The following NDST4 variants were observed in gnomAD, a reference collection of about 807,000 sequenced individuals.
NDST4 encodes N-deacetylase and N-sulfotransferase 4.
Under a neutral mutation model 100.8 loss-of-function variants are expected in NDST4, and 63 were observed. The observed-to-expected ratio is 0.62, with a 90% CI of 0.51 to 0.77. The LOEUF (loss-of-function observed/expected upper bound fraction) is 0.77, where lower values mean the gene tolerates loss of function less well. NDST4 is among the 30% of genes least tolerant of loss of function. The pLI is 0.00. For missense variants in NDST4, 943 were observed against 1,018.4 expected (o/e 0.93, Z 1.01); for synonymous variants, 377 against 361.8 (o/e 1.04, Z -0.48).
chr4:114,835,523 T>A (rs941004043), intron 11 of NDST4, among the ~76,000 whole-genome samples: 4 of 152,050 alleles, frequency 2.6e-5, no homozygotes, highest in African/African-American at 7.2e-5. Flanking sequence ...TGCTGAAGAG[T>A]GTTGTACTTC....
rs555986150 is a variant in NDST4, at chr4:115,007,642, G to A, written c.979-30368C>T. Among the ~76,000 whole-genome samples the A allele has an allele frequency of 8.9e-4, 62 of 69,572 alleles. 12 individuals carry two copies. The highest frequency in any genetic ancestry group is 3.4e-3 in the African/African-American group (60 of 17,704). The allele number at this position is 69,572 out of a possible 152,430, so 45.6% of individuals were successfully genotyped here. A position where few individuals can be genotyped will look rare whatever the true frequency, so the allele number is the denominator to read the frequency against. On this transcript the variant is annotated intron_variant, in intron 2 of 13. Transcript: ENST00000264363. ...AAGGACTGATGGAATAAAGTCCCAA[G>A]GAAGGTTGGGAGAAATGGGATATGA...
intron 4 of NDST4, among the ~76,000 whole-genome samples, chr4:114,945,208 CAAAAAAAAAAAAA>C (rs1173970826): frequency 7.4e-5 from 4 of 53,766 alleles, no homozygotes; most frequent in African/African-American, 2.0e-4. Context: ...AACTCCGTCT[CAAAAAAAAAAAAA>C]AAAAAAAAAA....
chr4:114,827,793 A>G lies in NDST4; in HGVS notation c.*23T>C, dbSNP rs771509168. ...TTTTTAACACTAAAAGTATCTTGAG[A>G]GGCTTAGTTCTTGTCTCCAGTGCTA... On this transcript the variant is annotated 3_prime_UTR_variant, in exon 14 of 14. Coordinates refer to ENST00000264363, the MANE Select transcript of NDST4 (RefSeq NM_022569.3). 2 of 1,602,164 alleles carry G rather than the reference A, an allele frequency of 1.2e-6. No individual in the cohort carries two copies. Among genetic ancestry groups the G allele is most frequent in the Admixed American group, 3.5e-5 (2 of 57,688 alleles).
chr4:115,029,886 T>C (rs1197325987), intron 2 of NDST4, among the ~76,000 whole-genome samples: 1 of 152,108 alleles, frequency 6.6e-6, no homozygotes, highest in Non-Finnish European at 1.5e-5. Context: ...TGTATGCAAG[T>C]TGGTTTCAGA....
chr4:115,021,503 TCC>T (rs1727821527), intron 2 of NDST4, among the ~76,000 whole-genome samples: 7 of 143,102 alleles, frequency 4.9e-5, no homozygotes, highest in Non-Finnish European at 1.1e-4. Context: ...ATACACACGT[TCC>T]ACATATACAC....
intron 2 of NDST4, among the ~76,000 whole-genome samples, chr4:115,064,010 AGC>A (rs1728879494): frequency 6.6e-6 from 1 of 152,042 alleles, no homozygotes; most frequent in Non-Finnish European, 1.5e-5. Context: ...AACCAAAGTC[AGC>A]ACTTAACGTT....
chr4:114,852,641 A>G (rs1327083489), intron 8 of NDST4, 84 bp downstream of exon 8: 2 of 722,242 alleles, frequency 2.8e-6, no homozygotes, highest in Non-Finnish European at 2.2e-6. Context: ...ACAAAGAAAA[A>G]TCTAATCTGA....
At chr4:114,851,091 T>C (rs1261395233) in intron 8 of NDST4, among the ~76,000 whole-genome samples, 3 of 152,298 alleles carry the variant, frequency 2.0e-5, no homozygotes, top group Admixed American at 2.0e-4. Flanking sequence ...TGGGAACCAC[T>C]TTTGTACCTC....
intron 1 of NDST4, among the ~76,000 whole-genome samples, chr4:115,111,870 T>G (rs1729959634): frequency 6.6e-6 from 1 of 151,884 alleles, no homozygotes; most frequent in South Asian, 2.1e-4. Context: ...GTAAACATTG[T>G]TTAATATTGA....
chr4:115,027,771 C>T (rs1258731694), intron 2 of NDST4, among the ~76,000 whole-genome samples: 2 of 151,950 alleles, frequency 1.3e-5, no homozygotes, highest in East Asian at 1.9e-4. Context: ...AAGAGTTTCA[C>T]GGCCACGAGC....
intron 1 of NDST4, among the ~76,000 whole-genome samples, chr4:115,103,597 G>T (rs1472706659): frequency 6.6e-6 from 1 of 152,050 alleles, no homozygotes; most frequent in African/African-American, 2.4e-5. Flanking sequence ...TTAATTTTAC[G>T]CAACACACAA....
intron 6 of NDST4, among the ~76,000 whole-genome samples, chr4:114,922,420 T>A (rs1400729611): frequency 6.6e-6 from 1 of 152,228 alleles, no homozygotes; most frequent in East Asian, 1.9e-4. Flanking sequence ...CCTCCCCCAG[T>A]GGAAAAATCG....
intron 4 of NDST4, among the ~76,000 whole-genome samples, chr4:114,961,621 A>G (rs949884499): frequency 6.6e-6 from 1 of 152,028 alleles, no homozygotes; most frequent in South Asian, 2.1e-4. Flanking sequence ...ACACACACAA[A>G]CTACTGAAAT....
At chr4:114,986,793 C>CATACATACATAT (rs1553959380) in intron 2 of NDST4, among the ~76,000 whole-genome samples, 2 of 91,148 alleles carry the variant, frequency 2.2e-5, no homozygotes, top group African/African-American at 9.1e-5. Flanking sequence ...TCCAATTATA[C>CATACATACATAT]ATATATATAT....
chr4:115,009,058 T>C (rs1163462685), intron 2 of NDST4, among the ~76,000 whole-genome samples: 2 of 125,638 alleles, frequency 1.6e-5, no homozygotes, highest in Non-Finnish European at 1.7e-5. Context: ...TGGAAGAACA[T>C]TCCATGCTCA....
chr4:114,968,064 T>G (rs1489196192), intron 4 of NDST4, among the ~76,000 whole-genome samples: 1 of 152,180 alleles, frequency 6.6e-6, no homozygotes, highest in Non-Finnish European at 1.5e-5. Context: ...ATCTGGTGCC[T>G]GAGTCCTTGA....
At chr4:114,948,196 G>A (rs1578407508) in intron 4 of NDST4, among the ~76,000 whole-genome samples, 2 of 152,076 alleles carry the variant, frequency 1.3e-5, no homozygotes, top group African/African-American at 2.4e-5. Context: ...CCAACTTAAT[G>A]TCAGCTTAAC....
intron 4 of NDST4, among the ~76,000 whole-genome samples, chr4:114,945,245 G>A (rs1725837299): frequency 6.7e-6 from 1 of 149,794 alleles, no homozygotes; most frequent in Admixed American, 6.7e-5. Flanking sequence ...ACAAATGGAG[G>A]TGCAGAGGAT....
intron 6 of NDST4, among the ~76,000 whole-genome samples, chr4:114,890,225 G>A (rs1724565014): frequency 6.6e-6 from 1 of 151,894 alleles, no homozygotes; most frequent in South Asian, 2.1e-4. Context: ...TTTTTTTGTA[G>A]ACTCCACATT....
Sources: gnomAD v4.1 joint callset for allele counts (sites outside exome capture counted in the v4.1 genomes callset) on GRCh38, gnomAD v4.1.1 for gene constraint, MANE v1.5 for transcripts, NCBI Gene and HGNC (gene_info 2026-07-23, HGNC 2026-07-21) for gene names.